MAPT: variants seen among roughly 807,000 people sequenced by gnomAD.
The protein encoded by MAPT is microtubule associated protein tau, also known as microtubule-associated protein tau.
In MAPT, 34 loss-of-function variants were observed where a neutral mutation model predicts 67.9. The ratio of observed to expected loss-of-function variants is 0.50; its 90% CI spans 0.38 to 0.67. MAPT has a LOEUF of 0.67. MAPT is among the 30% of genes least tolerant of loss of function. The pLI is 0.00. For missense variants in MAPT, 881 were observed against 1,115.2 expected (o/e 0.79, Z 2.99); for synonymous variants, 456 against 464.5 (o/e 0.98, Z 0.23).
chr17:45,925,012 G>A (rs553766685), intron 1 of MAPT, among the ~76,000 whole-genome samples: 5 of 152,194 alleles, frequency 3.3e-5, no homozygotes, highest in East Asian at 1.9e-4. Context: ...AAGAAAACTC[G>A]CCGAATTAAA....
intron 1 of MAPT, among the ~76,000 whole-genome samples, chr17:45,944,455 G>A (rs1241467266): frequency 3.9e-5 from 6 of 152,212 alleles, no homozygotes; most frequent in Admixed American, 2.6e-4. Flanking sequence ...GGTTGGGGGC[G>A]AGTGGCCTCT....
intron 12 of MAPT, among the ~76,000 whole-genome samples, chr17:46,019,187 G>A (rs62062288): frequency 0.14 from 21,510 of 152,106 alleles, 2,055 homozygotes; most frequent in Non-Finnish European, 0.21. Flanking sequence ...CTTACATGGC[G>A]ACAGGCAAGA....
intron 1 of MAPT, among the ~76,000 whole-genome samples, chr17:45,952,018 G>A (rs1299884829): frequency 2.6e-5 from 4 of 152,102 alleles, no homozygotes; most frequent in Non-Finnish European, 5.9e-5. Flanking sequence ...TCTGTGTATC[G>A]CTTCTCGGCC....
Position 46,027,384 on chromosome 17 carries a change from C to T in MAPT, c.*3213C>T, listed in dbSNP as rs2076853600. The T allele has an allele frequency of 6.5e-6, 1 of 152,896 alleles. No individual in the cohort carries two copies. Among genetic ancestry groups the T allele is most frequent in the Admixed American group, 6.5e-5 (1 of 15,308 alleles). The allele number at this position is 152,896 out of a possible 1,614,324, so 9.5% of individuals were successfully genotyped here. Reference sequence around the variant, plus strand: ...GCTGGGCACTCCTCCCCTCCCCTCACTTCTCCCACCTGCAGAGCCAGTGTC... The same window carrying T: ...GCTGGGCACTCCTCCCCTCCCCTCATTTCTCCCACCTGCAGAGCCAGTGTC... On this transcript the variant is annotated 3_prime_UTR_variant, in exon 13 of 13. Transcript: ENST00000262410.
chr17:45,973,158 TG>T (rs1430360502), intron 3 of MAPT: 5 of 152,156 alleles, frequency 3.3e-5, no homozygotes, highest in Non-Finnish European at 7.3e-5. Context: ...ATTTGGAAAA[TG>T]GCTGTCAAGT....
At chr17:45,977,929 A>C (rs1439781411) in intron 3 of MAPT, 2 of 187,206 alleles carry the variant, frequency 1.1e-5, no homozygotes, top group Non-Finnish European at 2.3e-5. Flanking sequence ...GGTTGAATGA[A>C]TGCCGGTGCC....
intron 1 of MAPT, among the ~76,000 whole-genome samples, chr17:45,909,949 G>A (rs572860174): frequency 5.3e-5 from 8 of 151,560 alleles, no homozygotes; most frequent in Admixed American, 4.6e-4. Context: ...GCTGAGGCAC[G>A]AGAATCACTT....
intron 9 of MAPT, among the ~76,000 whole-genome samples, chr17:46,004,659 G>C (rs1243996399): frequency 6.6e-6 from 1 of 152,196 alleles, no homozygotes; most frequent in Non-Finnish European, 1.5e-5. Context: ...ACAATTGGCA[G>C]TAGTTCAGGT....
At chr17:45,946,613 A>ATATATATATATAT (rs1404779750) in intron 1 of MAPT, among the ~76,000 whole-genome samples, 4 of 97,838 alleles carry the variant, frequency 4.1e-5, no homozygotes, top group Non-Finnish European at 9.4e-5. Context: ...AAAAAAAAAA[A>ATATATATATATAT]AAATATATAT....
At chr17:45,970,322 A>G (rs1337397846) in intron 2 of MAPT, among the ~76,000 whole-genome samples, 1 of 151,484 alleles carries the variant, frequency 6.6e-6, no homozygotes, top group Non-Finnish European at 1.5e-5. Flanking sequence ...CATCCATCTA[A>G]TCATTCAGTA....
rs959504727 is a variant in MAPT, at chr17:45,999,049, C to T, written c.1998+2385C>T. On this transcript the variant is annotated intron_variant, in intron 9 of 12. Coordinates refer to ENST00000262410, the MANE Select transcript of MAPT (RefSeq NM_001377265.1). ...CCCCTAGCCTGAATCTGCTGCTCCC[C>T]GTCTGGGGTTCCCCGCCCATGCACC... Among the ~76,000 whole-genome samples the T allele has an allele frequency of 4.6e-5, 7 of 152,134 alleles. No homozygotes were observed. In the South Asian group the frequency reaches 6.2e-4, roughly 14 times the overall value.
At chr17:45,967,302 C>G (rs1044840511) in intron 2 of MAPT, among the ~76,000 whole-genome samples, 6 of 152,154 alleles carry the variant, frequency 3.9e-5, no homozygotes, top group African/African-American at 1.2e-4. Flanking sequence ...AGGGATTTAA[C>G]AAGGAGACCA....
chr17:45,986,942 A>G (rs1568285425), intron 5 of MAPT, 98 bp from the exon 6 acceptor site: 6 of 1,047,778 alleles, frequency 5.7e-6, no homozygotes, highest in Non-Finnish European at 5.8e-6. Context: ...CTAAACAAAC[A>G]TGGACCTATC....
intron 1 of MAPT, among the ~76,000 whole-genome samples, chr17:45,924,157 G>A (rs1052810635): frequency 2.6e-5 from 4 of 152,042 alleles, no homozygotes; most frequent in African/African-American, 9.7e-5. Flanking sequence ...GGCCCCAGCA[G>A]AGCTGCACGA....
intron 1 of MAPT, among the ~76,000 whole-genome samples, chr17:45,903,755 ATTTTTTT>A (rs67136360): frequency 6.3e-5 from 5 of 79,580 alleles, no homozygotes; most frequent in African/African-American, 9.6e-5. Flanking sequence ...TTTTATATAT[ATTTTTTT>A]TATATATATA....
chr17:45,927,675 C>T (rs190216863), intron 1 of MAPT, among the ~76,000 whole-genome samples: 4 of 152,250 alleles, frequency 2.6e-5, no homozygotes, highest in Admixed American at 6.5e-5. Flanking sequence ...ACCACCCTAG[C>T]TCTCTTCTCC....
At chr17:46,003,069 C>G (rs2075138178) in intron 9 of MAPT, among the ~76,000 whole-genome samples, 1 of 151,754 alleles carries the variant, frequency 6.6e-6, no homozygotes, top group Non-Finnish European at 1.5e-5. Flanking sequence ...CAGGTGTGAG[C>G]CACCATGCCC....
intron 4 of MAPT, among the ~76,000 whole-genome samples, chr17:45,981,946 G>A (rs2072994049): frequency 6.6e-6 from 1 of 150,560 alleles, no homozygotes; most frequent in Non-Finnish European, 1.5e-5. Flanking sequence ...TTTGAGCCCT[G>A]GAGTTAAAGT....
At chr17:45,931,135 A>G (rs969492696) in intron 1 of MAPT, among the ~76,000 whole-genome samples, 3 of 152,194 alleles carry the variant, frequency 2.0e-5, no homozygotes, top group African/African-American at 7.2e-5. Context: ...TTGCAGATCT[A>G]TGGGTGATTG....
Sources: gnomAD v4.1 joint callset for allele counts (sites outside exome capture counted in the v4.1 genomes callset) on GRCh38, gnomAD v4.1.1 for gene constraint, MANE v1.5 for transcripts, NCBI Gene and HGNC (gene_info 2026-07-23, HGNC 2026-07-21) for gene names.